BIRC6: variants seen among roughly 807,000 people sequenced by gnomAD.
BIRC6 encodes dual E2 ubiquitin-conjugating enzyme/E3 ubiquitin-protein ligase BIRC6.
In BIRC6, 98 loss-of-function variants were observed where a neutral mutation model predicts 503.3. The ratio of observed to expected loss-of-function variants is 0.19; its 90% CI spans 0.17 to 0.23. The LOEUF (loss-of-function observed/expected upper bound fraction) is 0.23. Among genes scored for constraint, BIRC6 ranks in the 10% least tolerant of loss-of-function variants. The pLI, the probability that BIRC6 is intolerant of heterozygous loss-of-function variation, is 1.00. For missense variants in BIRC6, 5,360 were observed against 5,806.0 expected, an observed-to-expected ratio of 0.92 and a Z score of 2.50; for synonymous variants, 2,240 against 2,078.7, an observed-to-expected ratio of 1.08 and a Z score of -2.11.
intron 12 of BIRC6, among the ~76,000 whole-genome samples, chr2:32,431,560 A>G (rs2044127710): frequency 6.6e-6 from 1 of 152,174 alleles, no homozygotes; most frequent in Non-Finnish European, 1.5e-5. Flanking sequence ...TGTTGTCTCT[A>G]ACAAATATAT....
chr2:32,433,214 T>A (rs2044332282), intron 12 of BIRC6, among the ~76,000 whole-genome samples: 1 of 152,156 alleles, frequency 6.6e-6, no homozygotes, highest in Non-Finnish European at 1.5e-5. Context: ...GCCTTAAATT[T>A]AGTGGAGGAG....
intron 8 of BIRC6, among the ~76,000 whole-genome samples, chr2:32,402,090 A>G (rs1362310898): frequency 6.6e-6 from 1 of 152,228 alleles, no homozygotes; most frequent in Non-Finnish European, 1.5e-5. Flanking sequence ...TGTTTAAAAC[A>G]GTGTACCAGT....
chr2:32,429,320 T>C, intron 11 of BIRC6, 25 bp downstream of exon 11: 1 of 1,437,982 alleles, frequency 7.0e-7, no homozygotes, highest in South Asian at 1.4e-5. Context: ...TTTTAAATGA[T>C]TTTAAAAAAA....
chr2:32,509,560 A>G, intron 51 of BIRC6, 178 bp from the exon 52 acceptor site: 1 of 716,142 alleles, frequency 1.4e-6, no homozygotes, highest in Non-Finnish European at 2.2e-6. Context: ...GCCATGATTT[A>G]TCTTATAGGG....
chr2:32,585,976 A>G (rs760570005), intron 66 of BIRC6, among the ~76,000 whole-genome samples: 1 of 152,202 alleles, frequency 6.6e-6, no homozygotes, highest in Non-Finnish European at 1.5e-5. Context: ...TACATTACAA[A>G]CTTAGTAATA....
intron 52 of BIRC6, 111 bp from the exon 53 acceptor site, chr2:32,510,415 G>A (rs1427091776): frequency 2.8e-6 from 2 of 704,150 alleles, no homozygotes; most frequent in Non-Finnish European, 2.5e-6. Flanking sequence ...CTGTGTTGTT[G>A]GAATTTATGG....
chr2:32,438,988 A>G (rs1306916653), intron 15 of BIRC6, among the ~76,000 whole-genome samples: 7 of 152,198 alleles, frequency 4.6e-5, no homozygotes, highest in Non-Finnish European at 1.0e-4. Context: ...CATGTGCCTA[A>G]TAAATGGCAG....
chr2:32,552,599 A>G (rs1363348783), intron 65 of BIRC6, among the ~76,000 whole-genome samples: 1 of 152,180 alleles, frequency 6.6e-6, no homozygotes, highest in Non-Finnish European at 1.5e-5. Flanking sequence ...ACTTGTCACA[A>G]TTCTGTAACT....
Position 32,617,928 on chromosome 2 carries a change from GAC to G in BIRC6, c.*28_*29del. ...GAGCTGCATTGATGTGGACTTCATA[GAC>G]ACAAAGGCTTCGAAGCACAAGCCAA... On this transcript the variant is annotated 3_prime_UTR_variant, in exon 74 of 74. Coordinates refer to ENST00000421745, the MANE Select transcript of BIRC6 (RefSeq NM_016252.4). 2 of 1,590,290 alleles carry G rather than the reference GAC, an allele frequency of 1.3e-6. No individual in the cohort carries two copies. The highest frequency in any genetic ancestry group is 2.2e-5 in the South Asian group (2 of 89,212).
At chr2:32,361,714 T>A (rs1399639756) in intron 1 of BIRC6, among the ~76,000 whole-genome samples, 2 of 152,070 alleles carry the variant, frequency 1.3e-5, no homozygotes, top group Non-Finnish European at 2.9e-5. Context: ...CCCTCCCCTC[T>A]CCCTGCTGGC....
In BIRC6 at chr2:32,608,817, AGTT is replaced by A. The variant is rs2062654017; in HGVS notation, c.14259+1177_14259+1179del. Among the ~76,000 whole-genome samples the A allele has an allele frequency of 7.2e-5, 11 of 152,258 alleles. No homozygotes were observed. In the South Asian group the frequency reaches 2.3e-3, roughly 32 times the overall value. ...GTTTTTTATTGAAGATGGTTTCTAA[AGTT>A]GTCTTGCAAATAGAAATTTTGCCCT... On this transcript the variant is annotated intron_variant, in intron 72 of 73. Transcript: ENST00000421745.
At chr2:32,507,877 G>C (rs1456802559) in intron 50 of BIRC6, 103 bp from the exon 51 acceptor site, 3 of 1,075,818 alleles carry the variant, frequency 2.8e-6, no homozygotes, top group African/African-American at 1.6e-5. Flanking sequence ...ACAAGTTCAT[G>C]ATGAATACAA....
intron 46 of BIRC6, 77 bp from the exon 47 acceptor site, chr2:32,501,636 G>A: frequency 7.9e-7 from 1 of 1,271,002 alleles, no homozygotes; most frequent in Non-Finnish European, 1.1e-6. Flanking sequence ...CTCCCAAAGT[G>A]TTGAGATTAC....
chr2:32,511,911 G>A (rs75340469), intron 53 of BIRC6, among the ~76,000 whole-genome samples: 3 of 152,042 alleles, frequency 2.0e-5, no homozygotes, highest in Non-Finnish European at 4.4e-5. Flanking sequence ...AATCATAATC[G>A]TTAGTAGTGG....
intron 65 of BIRC6, among the ~76,000 whole-genome samples, chr2:32,562,260 T>TA (rs1160173013): frequency 1.3e-5 from 2 of 152,276 alleles, no homozygotes; most frequent in Admixed American, 1.3e-4. Context: ...TTTTAAAACA[T>TA]AAACATATCT....
intron 38 of BIRC6, among the ~76,000 whole-genome samples, chr2:32,482,135 A>G (rs1227281986): frequency 6.6e-6 from 1 of 152,162 alleles, no homozygotes; most frequent in African/African-American, 2.4e-5. Flanking sequence ...TTTTTAAAGG[A>G]GAATCACCTG....
chr2:32,458,073 A>G (rs1304997547), intron 23 of BIRC6, among the ~76,000 whole-genome samples: 2 of 152,162 alleles, frequency 1.3e-5, no homozygotes, highest in Non-Finnish European at 2.9e-5. Context: ...CTAAGTTACT[A>G]GTTATTTTTA....
intron 10 of BIRC6, among the ~76,000 whole-genome samples, chr2:32,425,188 C>T (rs1348166746): frequency 1.3e-5 from 2 of 151,308 alleles, no homozygotes; most frequent in African/African-American, 4.9e-5. Flanking sequence ...CTTACTTTCT[C>T]ATATTCTGTG....
chr2:32,604,547 G>A (rs962429692), intron 71 of BIRC6, among the ~76,000 whole-genome samples: 1 of 152,204 alleles, frequency 6.6e-6, no homozygotes, highest in Non-Finnish European at 1.5e-5. Flanking sequence ...GATAACCCAT[G>A]TCATAAAGTA....
Sources: gnomAD v4.1 joint callset for allele counts (sites outside exome capture counted in the v4.1 genomes callset) on GRCh38, gnomAD v4.1.1 for gene constraint, MANE v1.5 for transcripts, NCBI Gene and HGNC (gene_info 2026-07-23, HGNC 2026-07-21) for gene names.